Variants in FGF2 observed in about 807,000 individuals in gnomAD.
The protein encoded by FGF2 is fibroblast growth factor 2.
FGF2 carries 13 observed loss-of-function variants against 15.9 expected under a neutral mutation model. That is an observed-to-expected ratio of 0.82 (90% CI 0.53 to 1.30). The LOEUF is 1.30. FGF2 is among the 50% of genes most tolerant of loss of function. The probability of loss-of-function intolerance (pLI) is 0.00; values close to 1 mark genes in which losing one functional copy is unlikely to be tolerated. For synonymous variants in FGF2, 90 were observed against 78.4 expected (o/e 1.15, Z -0.78); for missense variants, 163 against 196.9 (o/e 0.83, Z 1.03).
intron 2 of FGF2, among the ~76,000 whole-genome samples, chr4:122,885,039 C>T (rs755251046): frequency 2.9e-4 from 44 of 152,164 alleles, no homozygotes; most frequent in Non-Finnish European, 5.6e-4. Context: ...CTTGGCCCTT[C>T]AGAGATCCTC....
At chr4:122,876,024 T>A (rs1726838662) in intron 1 of FGF2, among the ~76,000 whole-genome samples, 1 of 152,156 alleles carries the variant, frequency 6.6e-6, no homozygotes, top group South Asian at 2.1e-4. Context: ...AGGAAACAAT[T>A]CTCCGTGTGT....
intron 1 of FGF2, among the ~76,000 whole-genome samples, chr4:122,850,887 C>T (rs1726217889): frequency 6.6e-6 from 1 of 152,136 alleles, no homozygotes; most frequent in Non-Finnish European, 1.5e-5. Flanking sequence ...GAAACTATTT[C>T]CTTTACTACC....
chr4:122,872,706 T>C (rs904199679), intron 1 of FGF2, among the ~76,000 whole-genome samples: 1 of 152,240 alleles, frequency 6.6e-6, no homozygotes, highest in South Asian at 2.1e-4. Context: ...CCAGAAGAGA[T>C]TGGGGGCCAA....
intron 1 of FGF2, among the ~76,000 whole-genome samples, chr4:122,868,252 C>T (rs543935054): frequency 1.3e-5 from 2 of 152,162 alleles, no homozygotes; most frequent in South Asian, 4.1e-4. Flanking sequence ...TTGACCCATC[C>T]TCTAAGTTCC....
chr4:122,841,742 A>G (rs10518406), intron 1 of FGF2, among the ~76,000 whole-genome samples: 6,518 of 152,350 alleles, frequency 0.043, 186 homozygotes, highest in Middle Eastern at 0.12. Context: ...CCGTCCACCC[A>G]ACTTTTAACA....
intron 1 of FGF2, among the ~76,000 whole-genome samples, chr4:122,861,083 A>G (rs918162843): frequency 2.0e-5 from 3 of 152,046 alleles, no homozygotes; most frequent in East Asian, 3.9e-4. Context: ...TCTACATCCT[A>G]TACTTCTCCC....
chr4:122,882,715 A>C (rs573442853), intron 2 of FGF2: 1 of 152,342 alleles, frequency 6.6e-6, no homozygotes, highest in East Asian at 1.9e-4. Flanking sequence ...GTCTCCTTTG[A>C]GGAATGGCAT....
rs1046220867 is a variant in FGF2 at position 122,826,846 on chromosome 4, G to A, written c.-329G>A. The A allele has an allele frequency of 5.4e-6, 8 of 1,493,850 alleles. No individual in the cohort carries two copies. The highest frequency in any genetic ancestry group is 4.2e-5 in the Admixed American group (2 of 47,428). 92.5% of individuals were successfully genotyped at this position (1,493,850 alleles called of 1,614,324 possible). ...CCCGGCGGGTGCCAGATTAGCGGAC[G>A]CGGTGCCCGCGGTTGCAACGGGATC... On this transcript the variant is annotated 5_prime_UTR_variant, in exon 1 of 3. Transcript: ENST00000644866.
Position 122,879,129 on chromosome 4 carries a change from C to T in FGF2, c.282+2705C>T, listed in dbSNP as rs534558028. ...AGAATACAGCTCAAAACATTAACTACTTGGGACTTTCACTTCTTCTACTCT... is the reference window on the plus strand; with the variant it reads ...AGAATACAGCTCAAAACATTAACTATTTGGGACTTTCACTTCTTCTACTCT... On this transcript the variant is annotated intron_variant, in intron 2 of 2. Coordinates refer to ENST00000644866, the MANE Select transcript of FGF2 (RefSeq NM_001361665.2). Among the ~76,000 whole-genome samples the T allele has an allele frequency of 2.0e-5, 3 of 152,326 alleles. No individual in the cohort carries two copies. In the East Asian group the frequency reaches 5.8e-4, roughly 29 times the overall value.
chr4:122,871,781 C>CAAAAA (rs55677162), intron 1 of FGF2, among the ~76,000 whole-genome samples: 50 of 94,286 alleles, frequency 5.3e-4, no homozygotes, highest in African/African-American at 9.6e-4. Context: ...CATTGAAAGA[C>CAAAAA]AAAAAAAAAA....
chr4:122,876,036 C>A (rs1726839025), intron 1 of FGF2, among the ~76,000 whole-genome samples: 1 of 152,044 alleles, frequency 6.6e-6, no homozygotes, highest in Admixed American at 6.6e-5. Flanking sequence ...TCCGTGTGTC[C>A]CCCTTCTCTG....
chr4:122,865,858 A>G (rs2150778656), intron 1 of FGF2, among the ~76,000 whole-genome samples: 1 of 152,362 alleles, frequency 6.6e-6, no homozygotes, highest in East Asian at 1.9e-4. Flanking sequence ...GTTGTGCCAC[A>G]TACCACATAC....
chr4:122,892,097 C>T (rs1727203081), intron 2 of FGF2, 114 bp from the exon 3 acceptor site: 1 of 940,588 alleles, frequency 1.1e-6, no homozygotes, highest in Non-Finnish European at 1.6e-6. Context: ...CTGAACCCAA[C>T]ATCACTGCTG....
Position 122,834,905 on chromosome 4 carries a change from G to A in FGF2, c.178+7553G>A, listed in dbSNP as rs28464097. Among the ~76,000 whole-genome samples the A allele has an allele frequency of 7.3e-3, 1,111 of 152,278 alleles. 9 individuals are homozygous for A. The highest frequency in any genetic ancestry group is 0.025 in the African/African-American group (1,034 of 41,542). ...TTGCCACTAGTGCACCAATAGTGGT[G>A]CAGATAACACCACTATTGTAGATTG... is the stretch of plus-strand genomic sequence containing the variant. On this transcript the variant is annotated intron_variant, in intron 1 of 2. Transcript: ENST00000644866.
chr4:122,886,492 G>A (rs547513213), intron 2 of FGF2, among the ~76,000 whole-genome samples: 10 of 152,048 alleles, frequency 6.6e-5, no homozygotes, highest in Non-Finnish European at 1.2e-4. Flanking sequence ...CCTCCTTGAG[G>A]GGTAGTATCT....
rs73844951 is a variant in FGF2 at position 122,879,466 on chromosome 4, C to G, written c.282+3042C>G. On this transcript the variant is annotated intron_variant, in intron 2 of 2. Coordinates refer to ENST00000644866, the MANE Select transcript of FGF2 (RefSeq NM_001361665.2). The stretch of plus-strand genomic sequence containing the variant: ...CTGTTATAACTAACTATGGACAGCA[C>G]TAATAAAATGGTTTTAAAGCTCCAG... Among the ~76,000 whole-genome samples, 799 of 152,302 alleles carry G rather than the reference C, an allele frequency of 5.2e-3. 7 individuals are homozygous for G. The highest frequency in any genetic ancestry group is 0.018 in the African/African-American group (735 of 41,558).
intron 1 of FGF2, among the ~76,000 whole-genome samples, chr4:122,842,373 T>C (rs1487980321): frequency 6.6e-6 from 1 of 152,234 alleles, no homozygotes; most frequent in African/African-American, 2.4e-5. Flanking sequence ...CAAAAGGTTA[T>C]CTGTGGTCCA....
intron 1 of FGF2, among the ~76,000 whole-genome samples, chr4:122,841,086 G>A (rs550487926): frequency 2.0e-5 from 3 of 152,294 alleles, no homozygotes; most frequent in African/African-American, 7.2e-5. Context: ...AATTTCCATG[G>A]AATATTTGAC....
rs372728120 is a variant in FGF2 at position 122,893,150 on chromosome 4, T to G, written c.*754T>G. On this transcript the variant is annotated 3_prime_UTR_variant, in exon 3 of 3. Coordinates refer to ENST00000644866, the MANE Select transcript of FGF2 (RefSeq NM_001361665.2). ...AAAAGCTCCAGGATTTGTGTGCTGT[T>G]GCCGAATACTCAGGACGGACCTGAA... The G allele has an allele frequency of 3.1e-6, 5 of 1,614,102 alleles. No individual in the cohort carries two copies. In the African/African-American group the frequency reaches 6.7e-5, roughly 22 times the overall value.
Sources: allele counts gnomAD v4.1 joint callset (sites outside exome capture counted in the v4.1 genomes callset), GRCh38; gene constraint gnomAD v4.1.1; transcripts MANE v1.5; gene names NCBI Gene and HGNC (gene_info 2026-07-23, HGNC 2026-07-21).